YME1L1: variants seen among roughly 807,000 people sequenced by gnomAD.
The protein encoded by YME1L1 is YME1 like 1 ATPase.
In YME1L1, 39 loss-of-function variants were observed where a neutral mutation model predicts 90.4. That is an observed-to-expected ratio of 0.43 (90% CI 0.33 to 0.56). YME1L1 has a LOEUF of 0.56. Among genes scored for constraint, YME1L1 ranks in the 20% least tolerant of loss-of-function variants. The pLI is 0.03. For synonymous variants in YME1L1, 284 were observed against 287.3 expected, an observed-to-expected ratio of 0.99 and a Z score of 0.12; for missense variants, 617 against 868.4, an observed-to-expected ratio of 0.71 and a Z score of 3.64.
At chr10:27,125,854 G>T (rs145683774) in intron 9 of YME1L1, among the ~76,000 whole-genome samples, 3 of 152,016 alleles carry the variant, frequency 2.0e-5, no homozygotes, top group South Asian at 2.1e-4. Context: ...GGCCAGGCTG[G>T]TTGGAACTCC....
At chr10:27,126,365 G>A (rs1332058913) in intron 9 of YME1L1, among the ~76,000 whole-genome samples, 1 of 152,068 alleles carries the variant, frequency 6.6e-6, no homozygotes, top group Non-Finnish European at 1.5e-5. Flanking sequence ...GGAGGTTGTG[G>A]CTACAGCGAG....
chr10:27,154,192 T>C lies in YME1L1; in HGVS notation c.19A>G (p.Thr7Ala), dbSNP rs2057282270. MFSLSS[T>A]VQPQVTVPLS... ...GCCTGGCTTACCTGGGGTTGCACCG[T>C]GCTCGACAAGGAAAACATCTCCGGC... is the stretch of plus-strand genomic sequence containing the variant. Residue 7 changes from threonine to alanine, a missense_variant, in exon 1 of 19, where the codon ACG becomes GCG. Thr to Ala is a moderately conservative substitution (Grantham distance 58). This residue lies in a region of YME1L1 where 311 missense variants were observed against 335.8 expected (regional missense o/e 0.93). Coordinates refer to ENST00000376016, the MANE Select transcript of YME1L1 (RefSeq NM_014263.4). The C allele has an allele frequency of 6.3e-7, 1 of 1,592,074 alleles. No individual in the cohort carries two copies. Among genetic ancestry groups the C allele is most frequent in the South Asian group, 1.1e-5 (1 of 87,852 alleles).
chr10:27,123,148 T>C (rs2056883694), intron 10 of YME1L1, among the ~76,000 whole-genome samples, 175 bp from the exon 11 acceptor site: 1 of 152,184 alleles, frequency 6.6e-6, no homozygotes, highest in Admixed American at 6.6e-5. Flanking sequence ...GGGAAAAAAC[T>C]ATACCAAAGA....
rs940916371 is a variant in YME1L1, at chr10:27,110,495, A to G, written c.*1482T>C. 2.0e-5 allele frequency: 3 copies of G among 152,248 alleles called. No individual in the cohort carries two copies. Among genetic ancestry groups the G allele is most frequent in the Non-Finnish European group, 4.4e-5 (3 of 68,046 alleles). 9.4% of individuals were successfully genotyped at this position (152,248 alleles called of 1,614,324 possible). The stretch of plus-strand genomic sequence containing the variant: ...GATAATTTTAATGAAGTCAACGTCA[A>G]GAATATAATCTGGTTGTAATACCAA... On this transcript the variant is annotated 3_prime_UTR_variant, in exon 19 of 19. Coordinates refer to ENST00000376016, the MANE Select transcript of YME1L1 (RefSeq NM_014263.4).
chr10:27,136,300 CTG>C lies in YME1L1; in HGVS notation c.514_515del (p.Gln172GlufsTer20). 1 of 1,613,420 alleles carries C rather than the reference CTG, an allele frequency of 6.2e-7. No individual in the cohort carries two copies. Among genetic ancestry groups the C allele is most frequent in the Non-Finnish European group, 8.5e-7 (1 of 1,179,808 alleles). On this transcript the variant is annotated frameshift_variant, in exon 5 of 19. Transcript: ENST00000376016. LOFTEE classifies it high-confidence loss of function. ...CCTTCACGAATGATGGCGCTATATT[CTG>C]TGTTTCAGCTAATCTCTCGGAGGTA... ...QSTSERLAET[Q>X]NIAPSFVKGF...
chr10:27,128,583 C>A (rs908727100), intron 8 of YME1L1, among the ~76,000 whole-genome samples: 1 of 151,566 alleles, frequency 6.6e-6, no homozygotes, highest in Non-Finnish European at 1.5e-5. Flanking sequence ...ACCGCTCCCC[C>A]ACCCCCCAAA....
chr10:27,151,573 G>A (rs914226918), intron 1 of YME1L1, among the ~76,000 whole-genome samples: 1 of 152,186 alleles, frequency 6.6e-6, no homozygotes, highest in Non-Finnish European at 1.5e-5. Context: ...AAAGCTGACC[G>A]TAAAACTACC....
Position 27,112,011 on chromosome 10 carries a change from A to C in YME1L1, c.2117T>G (p.Ile706Ser). 6.2e-7 allele frequency: 1 copy of C among 1,614,108 alleles called. No individual in the cohort carries two copies. The highest frequency in any genetic ancestry group is 8.5e-7 in the Non-Finnish European group (1 of 1,180,004). ...YETLDAKEIQ[I>S]VLEGKKLEVR is the part of the protein sequence containing the mutation. ...TTCCAACTTTTTCCCCTCAAGAACA[A>C]TTTGAATCTCTTTGGCATCCAAAGT... Residue 706 changes from isoleucine (I) to serine (S), a missense_variant, in exon 19 of 19, where the codon ATT (isoleucine) becomes AGT (serine). By Grantham distance (142) the Ile-to-Ser change is moderately radical. Around this residue, in one of 4 missense-constraint regions of YME1L1, gnomAD observed 212 missense variants for 330.0 expected, o/e 0.64. Coordinates refer to ENST00000376016, the MANE Select transcript of YME1L1 (RefSeq NM_014263.4).
At chr10:27,127,029 T>G (rs2056927332) in intron 8 of YME1L1, among the ~76,000 whole-genome samples, 1 of 152,212 alleles carries the variant, frequency 6.6e-6, no homozygotes, top group Non-Finnish European at 1.5e-5. Context: ...GAACTTTCAT[T>G]TTCTCAGTGA....
intron 14 of YME1L1, among the ~76,000 whole-genome samples, chr10:27,118,117 A>G (rs944581563): frequency 2.6e-5 from 4 of 152,180 alleles, no homozygotes; most frequent in East Asian, 1.9e-4. Context: ...AGGTGAATGT[A>G]TCTGATATGG....
At chr10:27,131,298 ACTCTAAGAATG>A (rs1364657785) in intron 8 of YME1L1, among the ~76,000 whole-genome samples, 1 of 152,184 alleles carries the variant, frequency 6.6e-6, no homozygotes, top group Non-Finnish European at 1.5e-5. Context: ...TAGAGTTTAA[ACTCTAAGAATG>A]CAGAGATTAT....
intron 5 of YME1L1, 39 bp downstream of exon 5, chr10:27,136,237 A>T: frequency 6.5e-7 from 1 of 1,545,882 alleles, no homozygotes; most frequent in Non-Finnish European, 8.9e-7. Flanking sequence ...TAACAACTTG[A>T]AAATATTTGC....
chr10:27,147,734 A>G, intron 2 of YME1L1: 1 of 1,541,106 alleles, frequency 6.5e-7, no homozygotes, highest in Non-Finnish European at 8.8e-7. Flanking sequence ...TGTCTGTAAC[A>G]CCCGTGGTTT....
intron 4 of YME1L1, among the ~76,000 whole-genome samples, chr10:27,136,987 A>T (rs993355080): frequency 2.6e-5 from 4 of 151,420 alleles, no homozygotes; most frequent in African/African-American, 7.3e-5. Context: ...AATATAATTT[A>T]AAAAACTGAG....
At position 27,134,968 on chromosome 10, in the gene YME1L1, C is replaced by T. The variant is rs377537982; in HGVS notation, c.554G>A (p.Arg185Gln). The change falls in exon 6 of 19, where the codon CGG (arginine) becomes CAG (glutamine). Residue 185 changes from arginine to glutamine, a missense_variant. By Grantham distance (43) the Arg-to-Gln change is conservative (BLOSUM62 1). Transcript: ENST00000376016. ...ACTCTCAACATCTGATCCTCTGTCC[C>T]GCAAAAGAAACCCCTGAATACACAA... is the stretch of plus-strand genomic sequence containing the variant. The part of the protein sequence containing the change: ...APSFVKGFLL[R>Q]DRGSDVESLD... 9 of 1,612,146 alleles carry T rather than the reference C, an allele frequency of 5.6e-6. No individual in the cohort carries two copies. In the African/African-American group the frequency reaches 6.7e-5, roughly 12 times the overall value.
At chr10:27,135,342 A>G (rs557180445) in intron 5 of YME1L1, among the ~76,000 whole-genome samples, 1 of 152,348 alleles carries the variant, frequency 6.6e-6, no homozygotes, top group Admixed American at 6.5e-5. Context: ...CCGTTCATAT[A>G]CTTGGCCTTA....
Position 27,136,380 on chromosome 10 carries a change from T to A in YME1L1, c.436A>T (p.Ile146Leu), listed in dbSNP as rs1388401083. 1.9e-6 allele frequency: 3 copies of A among 1,610,526 alleles called. No homozygotes were observed. Among genetic ancestry groups the A allele is most frequent in the Non-Finnish European group, 2.5e-6 (3 of 1,177,690 alleles). Residue 146 changes from isoleucine (I) to leucine (L), a missense_variant, in exon 5 of 19, where the codon ATA (isoleucine) becomes TTA (leucine). Physicochemically the swap from Ile to Leu is conservative, Grantham distance 5. Coordinates refer to ENST00000376016, the MANE Select transcript of YME1L1 (RefSeq NM_014263.4). ...CSDLQYWPVF[I>L]QSRGFKTLKS... ...AAAGTTTTAAAACCCCGAGACTGTA[T>A]GAAAACTAAATAAAACAATACCATT...
At chr10:27,148,312 CTT>C (rs1265223177) in intron 2 of YME1L1, among the ~76,000 whole-genome samples, 2 of 152,176 alleles carry the variant, frequency 1.3e-5, no homozygotes, top group East Asian at 3.8e-4. Flanking sequence ...AAGCTATTCT[CTT>C]GTCTCAGCCT....
At chr10:27,133,050 A>T (rs1332231589) in intron 7 of YME1L1, among the ~76,000 whole-genome samples, 1 of 152,192 alleles carries the variant, frequency 6.6e-6, no homozygotes, top group East Asian at 1.9e-4. Flanking sequence ...CAAACACTTC[A>T]ATTATTCTAA....
Sources: allele counts gnomAD v4.1 joint callset (sites outside exome capture counted in the v4.1 genomes callset), GRCh38; gene constraint gnomAD v4.1.1; regional missense constraint gnomAD v4.1.1; transcripts MANE v1.5; gene names NCBI Gene and HGNC (gene_info 2026-07-23, HGNC 2026-07-21).